GARIN4: variants seen among roughly 807,000 people sequenced by gnomAD.
The protein encoded by GARIN4 is Golgi-associated RAB2 interactor protein 4.
the GARIN4 span, chr1:212,625,593 C>T: frequency 1.2e-6 from 2 of 1,614,214 alleles, no homozygotes; most frequent in Non-Finnish European, 1.7e-6. Flanking sequence ...GCTGCTTATG[C>T]TGGAGGGGAG....
At chr1:212,626,378 G>A in the GARIN4 span, 2 of 1,614,194 alleles carry the variant, frequency 1.2e-6, no homozygotes, top group Non-Finnish European at 1.7e-6. Flanking sequence ...CATCTCAAAG[G>A]AGTCCAGGAC....
the GARIN4 span, chr1:212,624,961 G>T: frequency 6.2e-7 from 1 of 1,614,152 alleles, no homozygotes; most frequent in Non-Finnish European, 8.5e-7. Flanking sequence ...TGGGGAAACT[G>T]CAGCGACAAC....
At chr1:212,625,255 T>C in the GARIN4 span, 2 of 1,614,164 alleles carry the variant, frequency 1.2e-6, no homozygotes, top group South Asian at 2.2e-5. Context: ...CCCTGAGGTT[T>C]GTACGGATCT....
the GARIN4 span, chr1:212,626,459 T>C: frequency 6.2e-7 from 1 of 1,614,150 alleles, no homozygotes; most frequent in African/African-American, 1.3e-5. Context: ...CAGGGTCAGC[T>C]CTTTCCTGAG....
chr1:212,625,734 G>A, the GARIN4 span: 56 of 1,613,936 alleles, frequency 3.5e-5, no homozygotes, highest in Non-Finnish European at 4.6e-5. Flanking sequence ...GCAGCTGCAG[G>A]GGCAGCAACA....
chr1:212,624,918 G>A, the GARIN4 span: 1,927 of 1,612,380 alleles, frequency 1.2e-3, 7 homozygotes, highest in Middle Eastern at 4.5e-3. Context: ...ACGGCCCAGA[G>A]TGGCTCCAGC....
At chr1:212,626,551 G>A in the GARIN4 span, 5 of 1,614,064 alleles carry the variant, frequency 3.1e-6, no homozygotes, top group Non-Finnish European at 4.2e-6. Flanking sequence ...AGATGGCGGA[G>A]AGGAGCACCA....
At chr1:212,626,082 G>T in the GARIN4 span, 1 of 1,614,186 alleles carries the variant, frequency 6.2e-7, no homozygotes, top group Non-Finnish European at 8.5e-7. Context: ...CAGAGCAAGA[G>T]CAGCCTGAGT....
the GARIN4 span, chr1:212,625,384 A>G: frequency 6.2e-7 from 1 of 1,614,210 alleles, no homozygotes; most frequent in East Asian, 2.2e-5. Flanking sequence ...ATTGGGAAAA[A>G]CTAATTTACC....
chr1:212,625,218 A>G, the GARIN4 span: 1 of 1,614,138 alleles, frequency 6.2e-7, no homozygotes, highest in Non-Finnish European at 8.5e-7. Context: ...AAGGCAGCAA[A>G]GAACTTAGAG....
the GARIN4 span, chr1:212,625,415 A>T: frequency 6.2e-7 from 1 of 1,614,178 alleles, no homozygotes; most frequent in Non-Finnish European, 8.5e-7. Flanking sequence ...ACCCATGGAG[A>T]GTAACAGCAG....
At chr1:212,626,187 C>T in the GARIN4 span, 1 of 1,614,102 alleles carries the variant, frequency 6.2e-7, no homozygotes, top group Non-Finnish European at 8.5e-7. Context: ...GGAAGGAGTT[C>T]CCATCGCCGC....
chr1:212,625,318 A>T, the GARIN4 span: 2 of 1,614,264 alleles, frequency 1.2e-6, no homozygotes. Flanking sequence ...CCACTGGCAG[A>T]TCTTGCTATC....
At chr1:212,625,362 A>T in the GARIN4 span, 1 of 1,614,198 alleles carries the variant, frequency 6.2e-7, no homozygotes, top group South Asian at 1.1e-5. Flanking sequence ...ACACGGGATG[A>T]CCTCTTTGCC....
the GARIN4 span, chr1:212,624,994 A>G: frequency 4.1e-4 from 668 of 1,614,196 alleles, 9 homozygotes; most frequent in East Asian, 0.013. Context: ...AGTACGATAT[A>G]TTCAAGTATG....
the GARIN4 span, chr1:212,624,826 G>A: frequency 5.4e-6 from 8 of 1,489,710 alleles, no homozygotes; most frequent in Non-Finnish European, 6.2e-6. Flanking sequence ...CGAGGCCAAG[G>A]AAGACCCAGA....
chr1:212,624,760 C>T, the GARIN4 span: 54 of 1,432,474 alleles, frequency 3.8e-5, no homozygotes, highest in Admixed American at 5.6e-4. Context: ...GATTGAGAGA[C>T]CAGCTGCAGA....
the GARIN4 span, chr1:212,626,014 C>G: frequency 3.7e-5 from 59 of 1,614,106 alleles, no homozygotes; most frequent in Middle Eastern, 1.6e-4. Context: ...TACTGACCAG[C>G]AGGACAGCTG....
At chr1:212,625,840 A>G in the GARIN4 span, 2 of 1,614,226 alleles carry the variant, frequency 1.2e-6, no homozygotes, top group Non-Finnish European at 1.7e-6. Context: ...TCGGTGCAGG[A>G]GGAAACAAAG....
Sources: allele counts gnomAD v4.1 joint callset, GRCh38; gene constraint gnomAD v4.1.1; transcripts MANE v1.5; gene names NCBI Gene and HGNC (gene_info 2026-07-23, HGNC 2026-07-21).